The following ANKS1B variants were observed in gnomAD, a reference collection of about 807,000 sequenced individuals.
The protein encoded by ANKS1B is ankyrin repeat and sterile alpha motif domain containing 1B.
ANKS1B carries 36 observed loss-of-function variants against 148.3 expected under a neutral mutation model. The ratio of observed to expected loss-of-function variants is 0.24; its 90% CI spans 0.19 to 0.32. ANKS1B has a LOEUF of 0.32. Among genes scored for constraint, ANKS1B ranks in the 10% least tolerant of loss-of-function variants. The pLI is 1.00. For synonymous variants in ANKS1B, 542 were observed against 560.8 expected (o/e 0.97, Z 0.47); for missense variants, 1,157 against 1,542.6 (o/e 0.75, Z 4.19).
At chr12:99,578,954 C>T (rs1251474406) in intron 9 of ANKS1B, among the ~76,000 whole-genome samples, 1 of 152,078 alleles carries the variant, frequency 6.6e-6, no homozygotes, top group Admixed American at 6.6e-5. Flanking sequence ...AACTATACTA[C>T]AAGTCTAGAG....
chr12:99,860,319 A>T (rs2089855671), intron 1 of ANKS1B, among the ~76,000 whole-genome samples: 1 of 152,226 alleles, frequency 6.6e-6, no homozygotes, highest in Admixed American at 6.5e-5. Flanking sequence ...AAAGGGAGAT[A>T]TGAGACTGCT....
chr12:99,908,847 T>G (rs995850227), intron 1 of ANKS1B, among the ~76,000 whole-genome samples: 3 of 152,196 alleles, frequency 2.0e-5, no homozygotes, highest in Admixed American at 1.3e-4. Flanking sequence ...ATACCTTTTT[T>G]CCCCCTTTGG....
chr12:99,085,179 T>G, intron 15 of ANKS1B, 156 bp from the exon 16 acceptor site: 3 of 646,410 alleles, frequency 4.6e-6, no homozygotes, highest in Non-Finnish European at 5.4e-6. Context: ...GCAGAGTCGG[T>G]CACCTTGTTA....
intron 12 of ANKS1B, among the ~76,000 whole-genome samples, chr12:99,329,676 T>C (rs182264435): frequency 1.3e-5 from 2 of 151,960 alleles, no homozygotes; most frequent in Admixed American, 1.3e-4. Flanking sequence ...GTAAAAATTA[T>C]AAGCCTTAAA....
chr12:99,398,263 T>C (rs192916447), intron 12 of ANKS1B, among the ~76,000 whole-genome samples: 1 of 152,298 alleles, frequency 6.6e-6, no homozygotes, highest in Non-Finnish European at 1.5e-5. Context: ...GCTTTATTCC[T>C]AGGGAAAAGT....
At chr12:99,085,684 T>C (rs781607023) in intron 15 of ANKS1B, among the ~76,000 whole-genome samples, 3 of 152,134 alleles carry the variant, frequency 2.0e-5, no homozygotes, top group Non-Finnish European at 2.9e-5. Flanking sequence ...TGTGCAGCCA[T>C]AGAAAAGAAT....
At chr12:99,499,350 C>CA (rs2096634204) in intron 10 of ANKS1B, among the ~76,000 whole-genome samples, 1 of 152,138 alleles carries the variant, frequency 6.6e-6, no homozygotes, top group African/African-American at 2.4e-5. Context: ...CCCAAGTGAT[C>CA]AAACACAATT....
chr12:99,959,029 A>G (rs555229645), intron 1 of ANKS1B, among the ~76,000 whole-genome samples: 2 of 151,018 alleles, frequency 1.3e-5, no homozygotes, highest in Non-Finnish European at 2.9e-5. Flanking sequence ...TTGGAGAATA[A>G]TAATTTTTAA....
intron 25 of ANKS1B, among the ~76,000 whole-genome samples, chr12:98,759,041 A>AAAGTGCTAG (rs1367618338): frequency 4.6e-5 from 7 of 151,668 alleles, no homozygotes; most frequent in Non-Finnish European, 1.0e-4. Flanking sequence ...TGGGCCTCCC[A>AAAGTGCTAG]AAGTGCTAGA....
At chr12:99,075,534 T>C (rs1648515987) in intron 16 of ANKS1B, among the ~76,000 whole-genome samples, 1 of 152,198 alleles carries the variant, frequency 6.6e-6, no homozygotes. Context: ...ATAAAAGGGA[T>C]CTGAATGACT....
intron 9 of ANKS1B, among the ~76,000 whole-genome samples, chr12:99,636,775 A>G (rs1249961350): frequency 2.6e-5 from 4 of 152,232 alleles, no homozygotes; most frequent in African/African-American, 9.6e-5. Context: ...AAGAACCATG[A>G]AAACAAAGAA....
intron 17 of ANKS1B, among the ~76,000 whole-genome samples, chr12:98,870,170 T>A (rs994649204): frequency 6.6e-6 from 1 of 152,220 alleles, no homozygotes; most frequent in Non-Finnish European, 1.5e-5. Flanking sequence ...ATAACACATC[T>A]AAAGCACTTA....
At chr12:99,874,030 T>TATATATATATATATATATATATAG (rs2091834289) in intron 1 of ANKS1B, among the ~76,000 whole-genome samples, 1 of 150,816 alleles carries the variant, frequency 6.6e-6, no homozygotes, top group African/African-American at 2.5e-5. Flanking sequence ...CACATATATA[T>TATATATATATATATATATATATAG]ATATATATAT....
chr12:99,223,118 AC>A (rs2085371005), intron 14 of ANKS1B, among the ~76,000 whole-genome samples: 2 of 152,232 alleles, frequency 1.3e-5, no homozygotes, highest in Non-Finnish European at 2.9e-5. Context: ...GCAGTGGGTG[AC>A]ATAGGAAAGG....
chr12:99,122,993 A>ATAT (rs57985878), intron 15 of ANKS1B, among the ~76,000 whole-genome samples: 40,551 of 137,810 alleles, frequency 0.29, 6,279 homozygotes, highest in Non-Finnish European at 0.31. Context: ...AAAATTAAAA[A>ATAT]AAAAATATAT....
At chr12:99,929,543 T>G (rs2153806849) in intron 1 of ANKS1B, among the ~76,000 whole-genome samples, 1 of 152,334 alleles carries the variant, frequency 6.6e-6, no homozygotes, top group East Asian at 1.9e-4. Context: ...TGCCATTGCT[T>G]TTGGTGTTTT....
intron 8 of ANKS1B, among the ~76,000 whole-genome samples, chr12:99,726,508 G>GAA (rs2058633210): frequency 6.6e-6 from 1 of 151,920 alleles, no homozygotes; most frequent in South Asian, 2.1e-4. Flanking sequence ...TACCAACCAA[G>GAA]AAAAGCCCAG....
At chr12:99,073,768 G>T (rs150068299) in intron 16 of ANKS1B, among the ~76,000 whole-genome samples, 3 of 152,194 alleles carry the variant, frequency 2.0e-5, no homozygotes, top group Non-Finnish European at 2.9e-5. Context: ...TTAGTCAATT[G>T]GTTCTTTCAT....
rs535249269 is a variant in ANKS1B, at chr12:98,790,131, G to A, written c.3343-7994C>T. The stretch of plus-strand genomic sequence containing the variant: ...TTAATTAAAAATGCCAATTGCAAAT[G>A]TGTGAAAAAACACACTGTTTGAATC... On this transcript the variant is annotated intron_variant, in intron 22 of 26. Transcript: ENST00000683438. 2.0e-5 allele frequency among the ~76,000 whole-genome samples: 3 copies of A among 152,292 alleles called. No homozygotes were observed. In the South Asian group the frequency reaches 6.2e-4, roughly 32 times the overall value.
Sources: allele counts gnomAD v4.1 joint callset (sites outside exome capture counted in the v4.1 genomes callset), GRCh38; gene constraint gnomAD v4.1.1; transcripts MANE v1.5; gene names NCBI Gene and HGNC (gene_info 2026-07-23, HGNC 2026-07-21).